The following CTNNA3 variants were observed in gnomAD, a reference collection of about 807,000 sequenced individuals.
CTNNA3 encodes the protein catenin alpha 3.
Under a neutral mutation model 95.7 loss-of-function variants are expected in CTNNA3, and 76 were observed. The observed-to-expected ratio is 0.79, with a 90% CI of 0.66 to 0.96. The LOEUF is 0.96. Among genes scored for constraint, CTNNA3 ranks in the 40% least tolerant of loss-of-function variants. CTNNA3 has a pLI of 0.00. For missense variants in CTNNA3, 1,191 were observed against 1,089.8 expected, an observed-to-expected ratio of 1.09 and a Z score of -1.31; for synonymous variants, 431 against 374.4, an observed-to-expected ratio of 1.15 and a Z score of -1.74.
intron 13 of CTNNA3, among the ~76,000 whole-genome samples, chr10:66,249,376 G>A (rs2090459389): frequency 6.6e-6 from 1 of 152,088 alleles, no homozygotes; most frequent in Non-Finnish European, 1.5e-5. Context: ...CTACCCCCCT[G>A]AGAAAGGATT....
chr10:66,556,101 G>A (rs1160042335), intron 10 of CTNNA3, among the ~76,000 whole-genome samples: 2 of 152,010 alleles, frequency 1.3e-5, no homozygotes, highest in African/African-American at 2.4e-5. Flanking sequence ...GCCACCAGGT[G>A]TATGGAAAGG....
At chr10:66,562,877 A>G (rs1333083889) in intron 10 of CTNNA3, among the ~76,000 whole-genome samples, 2 of 152,106 alleles carry the variant, frequency 1.3e-5, no homozygotes, top group Non-Finnish European at 2.9e-5. Context: ...ATTACAGTTC[A>G]TCCTAACTCC....
intron 13 of CTNNA3, among the ~76,000 whole-genome samples, chr10:66,122,122 G>T (rs887341362): frequency 5.3e-5 from 8 of 152,104 alleles, no homozygotes; most frequent in African/African-American, 1.7e-4. Flanking sequence ...ACAAAAGGTA[G>T]TGGGTAATAT....
intron 7 of CTNNA3, among the ~76,000 whole-genome samples, chr10:66,946,358 G>A (rs183050190): frequency 6.5e-4 from 99 of 152,300 alleles, no homozygotes; most frequent in Non-Finnish European, 4.4e-5. Context: ...ATTTTAATAT[G>A]TGAGAGACAT....
intron 11 of CTNNA3, among the ~76,000 whole-genome samples, chr10:66,515,771 G>C (rs772672319): frequency 6.6e-6 from 1 of 151,946 alleles, no homozygotes; most frequent in Non-Finnish European, 1.5e-5. Flanking sequence ...ATCAGATCTC[G>C]TGAGAATTAA....
chr10:66,221,416 A>G (rs556796959), intron 13 of CTNNA3, among the ~76,000 whole-genome samples: 12 of 152,342 alleles, frequency 7.9e-5, no homozygotes, highest in African/African-American at 2.6e-4. Flanking sequence ...ACGGTAACTC[A>G]GATCAATTCT....
At chr10:67,265,036 T>C (rs1317719185) in intron 5 of CTNNA3, among the ~76,000 whole-genome samples, 13 of 152,202 alleles carry the variant, frequency 8.5e-5, no homozygotes, top group Non-Finnish European at 1.5e-5. Context: ...CATCAAAATA[T>C]GCAACCTAGC....
At chr10:66,524,244 CTCGTACACATGTCTATTCCT>C (rs1406189372) in intron 10 of CTNNA3, among the ~76,000 whole-genome samples, 1 of 18,808 alleles carries the variant, frequency 5.3e-5, no homozygotes, top group African/African-American at 1.3e-4. Context: ...TGCATGATTG[CTCGTACACATGTCTATTCCT>C]GGGTAATGAG....
intron 10 of CTNNA3, among the ~76,000 whole-genome samples, chr10:66,527,144 C>T (rs752090253): frequency 1.3e-5 from 2 of 152,072 alleles, no homozygotes; most frequent in African/African-American, 4.8e-5. Flanking sequence ...TTGCCATGTA[C>T]TTGTTTTCCC....
At chr10:66,103,734 G>A (rs778175379) in intron 13 of CTNNA3, among the ~76,000 whole-genome samples, 2 of 152,124 alleles carry the variant, frequency 1.3e-5, no homozygotes, top group Non-Finnish European at 2.9e-5. Flanking sequence ...AAGGGGAAAT[G>A]GGCAATGACA....
chr10:67,387,873 C>A (rs940605915), intron 5 of CTNNA3, among the ~76,000 whole-genome samples: 24 of 152,214 alleles, frequency 1.6e-4, no homozygotes, highest in African/African-American at 5.1e-4. Flanking sequence ...GGAAAACTTA[C>A]AAACAGAAAG....
chr10:66,303,472 C>T (rs2091891310), intron 12 of CTNNA3, among the ~76,000 whole-genome samples: 1 of 151,842 alleles, frequency 6.6e-6, no homozygotes, highest in African/African-American at 2.4e-5. Context: ...GATTATGTAT[C>T]TGGCTCTGCA....
chr10:67,691,213 G>A (rs1438313354), intron 1 of CTNNA3, among the ~76,000 whole-genome samples: 3 of 152,192 alleles, frequency 2.0e-5, no homozygotes, highest in Non-Finnish European at 2.9e-5. Context: ...GCCCAGGCTG[G>A]AGTGCAGTGG....
intron 13 of CTNNA3, among the ~76,000 whole-genome samples, chr10:66,150,710 G>A (rs1210770240): frequency 6.6e-6 from 1 of 151,746 alleles, no homozygotes; most frequent in African/African-American, 2.4e-5. Context: ...ACCCTATAAT[G>A]CTATTGAACA....
At chr10:67,042,250 C>T (rs1200662309) in intron 7 of CTNNA3, among the ~76,000 whole-genome samples, 1 of 151,988 alleles carries the variant, frequency 6.6e-6, no homozygotes, top group Admixed American at 6.6e-5. Context: ...GAAGCCTGAA[C>T]CCAAATGGGC....
At chr10:67,671,077 C>T (rs1840422927) in intron 1 of CTNNA3, among the ~76,000 whole-genome samples, 1 of 152,090 alleles carries the variant, frequency 6.6e-6, no homozygotes, top group South Asian at 2.1e-4. Flanking sequence ...ACCTTATTCT[C>T]CCTTATCTTT....
chr10:67,157,474 C>T (rs933425511), intron 7 of CTNNA3, among the ~76,000 whole-genome samples: 2 of 152,098 alleles, frequency 1.3e-5, no homozygotes, highest in Non-Finnish European at 2.9e-5. Flanking sequence ...AATTACAAAT[C>T]CCTTAAACCC....
intron 3 of CTNNA3, among the ~76,000 whole-genome samples, chr10:67,587,120 G>A (rs1768952922): frequency 2.0e-5 from 3 of 151,634 alleles, no homozygotes; most frequent in South Asian, 2.1e-4. Flanking sequence ...TACCTCCCAG[G>A]CTCAAGTGAT....
intron 10 of CTNNA3, among the ~76,000 whole-genome samples, chr10:66,584,736 C>G (rs913697881): frequency 2.6e-5 from 4 of 151,934 alleles, no homozygotes; most frequent in African/African-American, 7.2e-5. Context: ...TTGATTGTTA[C>G]TTAGTGACTT....
Sources: gnomAD v4.1 joint callset for allele counts (sites outside exome capture counted in the v4.1 genomes callset) on GRCh38, gnomAD v4.1.1 for gene constraint, MANE v1.5 for transcripts, NCBI Gene and HGNC (gene_info 2026-07-23, HGNC 2026-07-21) for gene names.